The following NEK2 variants were observed in gnomAD, a reference collection of about 807,000 sequenced individuals.
NEK2 encodes the protein NIMA related kinase 2, also known as serine/threonine-protein kinase Nek2.
Under a neutral mutation model 54.1 loss-of-function variants are expected in NEK2, and 28 were observed. The observed-to-expected ratio is 0.52, with a 90% confidence interval of 0.38 to 0.71. The LOEUF (loss-of-function observed/expected upper bound fraction) is 0.71. Among genes scored for constraint, NEK2 ranks in the 30% least tolerant of loss-of-function variants. The pLI, the probability that NEK2 is intolerant of heterozygous loss-of-function variation, is 0.00. For synonymous variants in NEK2, 176 were observed against 193.1 expected (o/e 0.91, Z 0.73); for missense variants, 407 against 531.5 (o/e 0.77, Z 2.30).
chr1:211,668,392 T>C (rs938343385), intron 6 of NEK2, among the ~76,000 whole-genome samples: 7 of 152,198 alleles, frequency 4.6e-5, no homozygotes, highest in African/African-American at 1.4e-4. Context: ...CAAAACTAAA[T>C]TAGCATCTAA....
At chr1:211,661,977 T>G (rs558888052), downstream of NEK2, among the ~76,000 whole-genome samples, 2 of 152,170 alleles carry the variant, frequency 1.3e-5, no homozygotes, top group African/African-American at 4.8e-5. Flanking sequence ...AGGAAAGATA[T>G]TCCCCACCTA....
downstream of NEK2, chr1:211,658,635 A>G (rs1291196340): frequency 6.9e-6 from 3 of 435,924 alleles, no homozygotes; most frequent in Middle Eastern, 3.5e-4. Flanking sequence ...TGGGAGGATT[A>G]CTTGAGCCTA....
Position 211,667,173 on chromosome 1 carries a change from T to G in NEK2, c.1044A>C (p.Ala348=). ...AGCTGTAGTTCTTCAACAGATTTTC[T>G]GCTCTAGCCAGTTTGTCCTCTGCTA... is the stretch of plus-strand genomic sequence containing the variant. The part of the protein sequence containing the change: ...ERLAEDKLAR[A]ENLLKNYSLL... Residue 348 remains alanine, a synonymous_variant, in exon 7 of 8, where the codon GCA becomes GCC. Coordinates refer to ENST00000366999, the MANE Select transcript of NEK2 (RefSeq NM_002497.4). The G allele has an allele frequency of 6.2e-7, 1 of 1,613,736 alleles. No individual in the cohort carries two copies. Among genetic ancestry groups the G allele is most frequent in the Non-Finnish European group, 8.5e-7 (1 of 1,179,796 alleles).
rs901790418 is a variant in NEK2, at chr1:211,671,272, G to A, written c.568C>T (p.Arg190Cys). 10 of 1,612,850 alleles carry A rather than the reference G, an allele frequency of 6.2e-6. No individual in the cohort carries two copies. Among genetic ancestry groups the A allele is most frequent in the Middle Eastern group, 1.7e-4 (1 of 6,054 alleles). ...PYYMSPEQMN[R>C]MSYNEKSDIW... ...TCTGATTTCTCATTGTAGGACATGC[G>A]ATTCATTTGTTCCTATACAGGGAAA... Residue 190 changes from arginine (R) to cysteine (C), a missense_variant, in exon 4 of 8, where the codon CGC (arginine) becomes TGC (cysteine). By Grantham distance (180) the Arg-to-Cys change is radical. Coordinates refer to ENST00000366999, the MANE Select transcript of NEK2 (RefSeq NM_002497.4).
At chr1:211,660,657 C>T (rs1046869590), downstream of NEK2, 4 of 658,004 alleles carry the variant, frequency 6.1e-6, no homozygotes, top group Non-Finnish European at 1.2e-5. Context: ...AGAAAACTGT[C>T]TTGTACTTGA....
intron 2 of NEK2, 47 bp downstream of exon 2, chr1:211,674,249 T>C (rs1285115330): frequency 6.7e-7 from 1 of 1,490,018 alleles, no homozygotes; most frequent in East Asian, 2.3e-5. Context: ...TTAAAATAAA[T>C]GAAACTAGAC....
chr1:211,660,234 G>C (rs887000813), downstream of NEK2: 1 of 331,098 alleles, frequency 3.0e-6, no homozygotes, highest in Admixed American at 3.5e-5. Flanking sequence ...CCAGAAAGAT[G>C]GCTGGGAGCA....
At chr1:211,664,476 G>A (rs140174681) in intron 7 of NEK2, among the ~76,000 whole-genome samples, 5 of 152,292 alleles carry the variant, frequency 3.3e-5, no homozygotes, top group Admixed American at 6.5e-5. Context: ...GGGAATATTT[G>A]ATGGTAATAC....
In NEK2 at chr1:211,670,951, T is replaced by A. The variant is rs13374525; in HGVS notation, c.638+251A>T. ...TATGTGCTCTCCCTTGAGCTAAGTG[T>A]CAATCTAATAAGAAAGCACCTAACC... On this transcript the variant is annotated intron_variant, in intron 4 of 7. Transcript: ENST00000366999. 7.1e-3 allele frequency among the ~76,000 whole-genome samples: 1,074 copies of A among 152,294 alleles called. 18 individuals carry two copies. Among genetic ancestry groups the A allele is most frequent in the African/African-American group, 0.024 (1,004 of 41,542 alleles).
chr1:211,671,369 T>C, intron 3 of NEK2, 85 bp from the exon 4 acceptor site: 3 of 958,848 alleles, frequency 3.1e-6, no homozygotes, highest in Non-Finnish European at 4.9e-6. Context: ...AAATTACTCC[T>C]GAGATAAAAA....
At chr1:211,669,009 A>G (rs907419567) in intron 6 of NEK2, 104 bp downstream of exon 6, 25 of 1,085,644 alleles carry the variant, frequency 2.3e-5, no homozygotes, top group Middle Eastern at 2.1e-4. Context: ...AAAGCTTCTA[A>G]TAAGATCTGT....
chr1:211,672,645 C>G lies in NEK2; in HGVS notation c.555+838G>C, dbSNP rs193049669. 1.8e-3 allele frequency among the ~76,000 whole-genome samples: 265 copies of G among 149,032 alleles called. 2 individuals are homozygous for G. The highest frequency in any genetic ancestry group is 6.0e-3 in the African/African-American group (243 of 40,278). On this transcript the variant is annotated intron_variant, in intron 3 of 7. Transcript: ENST00000366999. ...AAAAAAAAAAACAGAGTTCAAGAAC[C>G]CACCCAGAGATCGAAATTCACTCGA... is the stretch of plus-strand genomic sequence containing the variant.
chr1:211,665,036 A>T (rs926544055), intron 7 of NEK2, among the ~76,000 whole-genome samples: 1 of 152,214 alleles, frequency 6.6e-6, no homozygotes, highest in African/African-American at 2.4e-5. Flanking sequence ...AAAGTGTTTT[A>T]AAAACATTTT....
At position 211,673,580 on chromosome 1, in the gene NEK2, T is replaced by G. The variant is rs750582260; in HGVS notation, c.458A>C (p.Gln153Pro). The G allele has an allele frequency of 1.2e-6, 2 of 1,614,182 alleles. No individual in the cohort carries two copies. Among genetic ancestry groups the G allele is most frequent in the East Asian group, 4.5e-5 (2 of 44,886 alleles). The change falls in exon 3 of 8, where the codon CAA (glutamine) becomes CCA (proline). Residue 153 changes from glutamine (Q) to proline (P), a missense_variant. Coordinates refer to ENST00000366999, the MANE Select transcript of NEK2 (RefSeq NM_002497.4). Reference sequence around the variant, plus strand: ...CCCAAAGTCTCCAAGCTTGACGTTTTGCTTGCCATCCAGGAAAACATTGGC... The same window carrying G: ...CCCAAAGTCTCCAAGCTTGACGTTTGGCTTGCCATCCAGGAAAACATTGGC... Reference protein sequence around the residue: ...KPANVFLDGKQNVKLGDFGLA... With the variant: ...KPANVFLDGKPNVKLGDFGLA...
chr1:211,669,441 G>T, intron 5 of NEK2, 109 bp from the exon 6 acceptor site: 1 of 1,003,444 alleles, frequency 1.0e-6, no homozygotes, highest in Non-Finnish European at 1.5e-6. Flanking sequence ...CAAAAGAAAG[G>T]ACTCCTTTAT....
At chr1:211,666,596 C>T (rs954985494) in intron 7 of NEK2, 2 of 440,780 alleles carry the variant, frequency 4.5e-6, no homozygotes, top group Admixed American at 6.4e-5. Context: ...GTCAGGAAAT[C>T]GAGACCATCC....
At chr1:211,658,719 CAAAAAAAAAAAAAAAA>C (rs967490624), downstream of NEK2, 31 of 37,576 alleles carry the variant, frequency 8.2e-4, no homozygotes, top group Admixed American at 0.013. Context: ...GACTCTATCT[CAAAAAAAAAAAAAAAA>C]AAAAAAAAAA....
In NEK2 at chr1:211,674,379, C is replaced by T; in HGVS notation, c.231G>A (p.Arg77=). 2 of 1,614,120 alleles carry T rather than the reference C, an allele frequency of 1.2e-6. No homozygotes were observed. The highest frequency in any genetic ancestry group is 1.7e-6 in the Non-Finnish European group (2 of 1,180,008). The change falls in exon 2 of 8, where the codon CGG becomes CGA. Residue 77 remains arginine, a synonymous_variant. Coordinates refer to ENST00000366999, the MANE Select transcript of NEK2 (RefSeq NM_002497.4). ...TTACAATGTACAGTGTTGTATTGGTCCGGTCAATAATCCGATCATAGTAAC... is the reference window on the plus strand; with the variant it reads ...TTACAATGTACAGTGTTGTATTGGTTCGGTCAATAATCCGATCATAGTAAC... ...IVRYYDRIID[R]TNTTLYIVME... is the part of the protein sequence containing the mutation.
In NEK2 at chr1:211,663,087, C is replaced by T; in HGVS notation, c.*339G>A. ...TTAAAACTATTCAGTGAGTGCTACT[C>T]TTCCTGCATAAATATTTTTTTCCTA... is the stretch of plus-strand genomic sequence containing the variant. On this transcript the variant is annotated 3_prime_UTR_variant, in exon 8 of 8. Coordinates refer to ENST00000366999, the MANE Select transcript of NEK2 (RefSeq NM_002497.4). The T allele has an allele frequency of 9.5e-7, 1 of 1,054,348 alleles. No individual in the cohort carries two copies. Among genetic ancestry groups the T allele is most frequent in the Non-Finnish European group, 1.1e-6 (1 of 871,486 alleles). The allele number at this position is 1,054,348 out of a possible 1,614,324, so 65.3% of individuals were successfully genotyped here. A position where few individuals can be genotyped will look rare whatever the true frequency, so the allele number is the denominator to read the frequency against.
Sources: allele counts gnomAD v4.1 joint callset (sites outside exome capture counted in the v4.1 genomes callset), GRCh38; gene constraint gnomAD v4.1.1; transcripts MANE v1.5; gene names NCBI Gene and HGNC (gene_info 2026-07-23, HGNC 2026-07-21).